EFHD1: variants seen among roughly 807,000 people sequenced by gnomAD.
EFHD1 encodes EF-hand domain-containing protein D1.
In EFHD1, 10 loss-of-function variants were observed where a neutral mutation model predicts 17.2. That is an observed-to-expected ratio of 0.58 (90% CI 0.36 to 0.99). The LOEUF is 0.99. Among genes scored for constraint, EFHD1 ranks in the 50% least tolerant of loss-of-function variants. The pLI is 0.01. For missense variants in EFHD1, 310 were observed against 327.5 expected, an observed-to-expected ratio of 0.95 and a Z score of 0.41; for synonymous variants, 153 against 142.0, an observed-to-expected ratio of 1.08 and a Z score of -0.55.
At chr2:232,640,515 A>G (rs1331865540) in intron 1 of EFHD1, among the ~76,000 whole-genome samples, 1 of 152,148 alleles carries the variant, frequency 6.6e-6, no homozygotes, top group South Asian at 2.1e-4. Context: ...TGAGCTATTC[A>G]TTCACTCATT....
chr2:232,624,244 T>C (rs561684686), intron 1 of EFHD1, among the ~76,000 whole-genome samples: 9 of 152,170 alleles, frequency 5.9e-5, no homozygotes, highest in Non-Finnish European at 1.3e-4. Context: ...GGAACCCAGG[T>C]CTTTGCTAAT....
chr2:232,640,628 C>T (rs1036139597), intron 1 of EFHD1, among the ~76,000 whole-genome samples: 4 of 152,196 alleles, frequency 2.6e-5, no homozygotes, highest in African/African-American at 9.7e-5. Flanking sequence ...CAAATGCTGA[C>T]AGCAAGCTGG....
intron 2 of EFHD1, among the ~76,000 whole-genome samples, chr2:232,665,720 C>G (rs1694957176): frequency 6.6e-6 from 1 of 152,186 alleles, no homozygotes; most frequent in Non-Finnish European, 1.5e-5. Flanking sequence ...CTGCACCTGG[C>G]CTATTATAAT....
At chr2:232,653,490 C>T (rs1694696021) in intron 1 of EFHD1, among the ~76,000 whole-genome samples, 1 of 152,144 alleles carries the variant, frequency 6.6e-6, no homozygotes, top group South Asian at 2.1e-4. Context: ...GGGGATTCAC[C>T]ACGTTGGCCA....
chr2:232,633,393 G>A (rs1458293532), upstream of EFHD1: 12 of 1,106,592 alleles, frequency 1.1e-5, no homozygotes, highest in East Asian at 4.3e-5. Context: ...GGTCCCGGGG[G>A]GACGGTCAGC....
At chr2:232,608,986 C>G (rs1428578398) in intron 1 of EFHD1, among the ~76,000 whole-genome samples, 1 of 149,556 alleles carries the variant, frequency 6.7e-6, no homozygotes, top group Non-Finnish European at 1.5e-5. Context: ...TATCACAATA[C>G]ATTTGAATGG....
chr2:232,661,054 A>G (rs184791845), intron 1 of EFHD1, among the ~76,000 whole-genome samples: 166 of 152,164 alleles, frequency 1.1e-3, no homozygotes, highest in African/African-American at 3.6e-3. Context: ...AGGCTGAGGC[A>G]CTAGAAACGC....
Position 232,634,208 on chromosome 2 carries a change from C to T in EFHD1, c.302+202C>T, listed in dbSNP as rs574829115. Among the ~76,000 whole-genome samples, 3 of 152,222 alleles carry T rather than the reference C, an allele frequency of 2.0e-5. No individual in the cohort carries two copies. The South Asian group carries it at 6.2e-4, about 32-fold the overall frequency. On this transcript the variant is annotated intron_variant, in intron 1 of 3. Transcript: ENST00000264059. ...GGCCGAAGAGGGGGGACACCAGGAG[C>T]AGGAGCTCTCCGGGACGGAGCCCAA...
chr2:232,618,700 G>T (rs1311819615), intron 1 of EFHD1, among the ~76,000 whole-genome samples: 6 of 142,372 alleles, frequency 4.2e-5, no homozygotes, highest in African/African-American at 1.5e-4. Flanking sequence ...TCCAGCCTGG[G>T]TGACAGAGCA....
chr2:232,628,980 C>T (rs939409848), upstream of EFHD1, among the ~76,000 whole-genome samples: 3 of 150,520 alleles, frequency 2.0e-5, no homozygotes, highest in Admixed American at 6.6e-5. Flanking sequence ...GGAGAGGCCA[C>T]GTGTGGGTGT....
intron 1 of EFHD1, among the ~76,000 whole-genome samples, chr2:232,610,065 G>A (rs542509278): frequency 1.3e-5 from 2 of 152,234 alleles, no homozygotes; most frequent in African/African-American, 2.4e-5. Flanking sequence ...AGGGCACAGC[G>A]CCTGTCCCGC....
At chr2:232,628,804 C>T (rs1173936689), upstream of EFHD1, among the ~76,000 whole-genome samples, 6 of 152,166 alleles carry the variant, frequency 3.9e-5, no homozygotes, top group African/African-American at 7.2e-5. Flanking sequence ...TCCCTCTCCT[C>T]GAACTATGCT....
At chr2:232,642,833 G>A (rs1259315220) in intron 1 of EFHD1, among the ~76,000 whole-genome samples, 1 of 152,120 alleles carries the variant, frequency 6.6e-6, no homozygotes. Context: ...CTGGTTGGGT[G>A]CATGTTCTTA....
Position 232,627,037 on chromosome 2 carries a change from T to TCTCTCC in EFHD1, c.14+20864_14+20865insCTCTCC, listed in dbSNP as rs1559340007. On this transcript the variant is annotated intron_variant, in intron 1 of 3. Coordinates refer to the EFHD1 transcript ENST00000409613. ...CTGTCTCTCTCTCTCTCTCTCTCTC[T>TCTCTCC]ATATATATATATATATATATATATA... is the stretch of plus-strand genomic sequence containing the variant. 2.1e-3 allele frequency among the ~76,000 whole-genome samples: 219 copies of TCTCTCC among 104,054 alleles called. 3 individuals carry two copies. The highest frequency in any genetic ancestry group is 0.018 in the South Asian group (57 of 3,160). The allele number at this position is 104,054 out of a possible 152,430, so 68.3% of individuals were successfully genotyped here.
chr2:232,653,136 G>C (rs530065892), intron 1 of EFHD1, among the ~76,000 whole-genome samples: 2 of 152,124 alleles, frequency 1.3e-5, no homozygotes, highest in South Asian at 4.2e-4. Flanking sequence ...TAGGATTATA[G>C]CCACCCACCA....
intron 1 of EFHD1, among the ~76,000 whole-genome samples, chr2:232,653,377 A>G (rs1164987737): frequency 6.6e-6 from 1 of 151,086 alleles, no homozygotes; most frequent in Non-Finnish European, 1.5e-5. Flanking sequence ...CACAACCTCC[A>G]CCTCCCAGGT....
At chr2:232,652,175 A>AGCG (rs1423075895) in intron 1 of EFHD1, among the ~76,000 whole-genome samples, 1 of 152,250 alleles carries the variant, frequency 6.6e-6, no homozygotes, top group African/African-American at 2.4e-5. Context: ...CGGCAACATC[A>AGCG]GCATTCCTCT....
At chr2:232,611,311 G>T (rs1350119236) in intron 1 of EFHD1, among the ~76,000 whole-genome samples, 1 of 152,094 alleles carries the variant, frequency 6.6e-6, no homozygotes. Context: ...GGGGGTCGGG[G>T]GGGGGGCATC....
chr2:232,616,394 G>A (rs1208644343), intron 1 of EFHD1, among the ~76,000 whole-genome samples: 4 of 152,128 alleles, frequency 2.6e-5, no homozygotes, highest in Non-Finnish European at 5.9e-5. Context: ...CGCCTCCCGG[G>A]TTCAAGCAGT....
Sources: gnomAD v4.1 joint callset for allele counts (sites outside exome capture counted in the v4.1 genomes callset) on GRCh38, gnomAD v4.1.1 for gene constraint, MANE v1.5 for transcripts, NCBI Gene and HGNC (gene_info 2026-07-23, HGNC 2026-07-21) for gene names.